LRRC2: variants seen among roughly 807,000 people sequenced by gnomAD.
The protein encoded by LRRC2 is leucine rich repeat containing 2.
LRRC2 carries 27 observed loss-of-function variants against 40.2 expected under a neutral mutation model. That is an observed-to-expected ratio of 0.67 (90% CI 0.49 to 0.93). The LOEUF is 0.93. Among genes scored for constraint, LRRC2 ranks in the 40% least tolerant of loss-of-function variants. The pLI is 0.00. For synonymous variants in LRRC2, 147 were observed against 158.9 expected, an observed-to-expected ratio of 0.92 and a Z score of 0.56; for missense variants, 402 against 439.6, an observed-to-expected ratio of 0.91 and a Z score of 0.76.
chr3:46,546,775 A>G (rs1324836753), intron 2 of LRRC2, among the ~76,000 whole-genome samples: 3 of 140,458 alleles, frequency 2.1e-5, no homozygotes, highest in Non-Finnish European at 4.5e-5. Flanking sequence ...CTGGAGTGCA[A>G]TGGCACAGTC....
In LRRC2 at chr3:46,525,782, T is replaced by C. The variant is rs116614338; in HGVS notation, c.929+1644A>G. ...CCAGAAAAGATACATTATACCTTTT[T>C]CAAATATTCAAGACTTCTTTATTAT... On this transcript the variant is annotated intron_variant, in intron 7 of 8. Coordinates refer to ENST00000395905, the MANE Select transcript of LRRC2 (RefSeq NM_024512.5). Among the ~76,000 whole-genome samples the C allele has an allele frequency of 4.0e-3, 602 of 152,332 alleles. 5 individuals carry two copies. Among genetic ancestry groups the C allele is most frequent in the African/African-American group, 0.014 (565 of 41,586 alleles).
intron 2 of LRRC2, among the ~76,000 whole-genome samples, chr3:46,550,574 G>C (rs1704623109): frequency 6.6e-6 from 1 of 151,944 alleles, no homozygotes; most frequent in Non-Finnish European, 1.5e-5. Flanking sequence ...TGTATTTTTA[G>C]CAGAGACGGG....
chr3:46,553,829 A>G (rs1704721365), intron 1 of LRRC2, among the ~76,000 whole-genome samples: 1 of 152,162 alleles, frequency 6.6e-6, no homozygotes, highest in Non-Finnish European at 1.5e-5. Flanking sequence ...CTCCCTATAA[A>G]TGGCTTGCCA....
At chr3:46,541,830 G>T (rs764653021) in intron 3 of LRRC2, among the ~76,000 whole-genome samples, 1 of 152,132 alleles carries the variant, frequency 6.6e-6, no homozygotes, top group Non-Finnish European at 1.5e-5. Context: ...ATTCACTGGA[G>T]GAGGTTCAAC....
chr3:46,545,558 G>A (rs6783443), intron 2 of LRRC2, among the ~76,000 whole-genome samples: 12,273 of 152,210 alleles, frequency 0.081, 572 homozygotes, highest in South Asian at 0.17. Flanking sequence ...AAAGTGCAGG[G>A]CCACAGGGAT....
At chr3:46,562,709 C>T (rs1704971436) in intron 1 of LRRC2, among the ~76,000 whole-genome samples, 1 of 150,970 alleles carries the variant, frequency 6.6e-6, no homozygotes, top group Non-Finnish European at 1.5e-5. Context: ...CCATCATAAT[C>T]TAGAAGATCT....
intron 7 of LRRC2, among the ~76,000 whole-genome samples, chr3:46,522,432 C>T (rs1161333326): frequency 6.7e-6 from 1 of 149,642 alleles, no homozygotes; most frequent in Non-Finnish European, 1.5e-5. Context: ...AACGATAGGA[C>T]AGGAACAGAG....
intron 3 of LRRC2, among the ~76,000 whole-genome samples, chr3:46,540,182 T>C (rs1226075190): frequency 1.3e-5 from 2 of 152,216 alleles, no homozygotes; most frequent in East Asian, 3.8e-4. Context: ...GCTGTTAACT[T>C]GCAAAAGTGC....
At chr3:46,551,704 G>T in intron 1 of LRRC2, 94 bp from the exon 2 acceptor site, 1 of 867,506 alleles carries the variant, frequency 1.2e-6, no homozygotes, top group Non-Finnish European at 1.6e-6. Context: ...GAATCACTTG[G>T]CTTAAGGAAT....
chr3:46,535,397 T>G (rs983452659), intron 4 of LRRC2, among the ~76,000 whole-genome samples: 1 of 152,222 alleles, frequency 6.6e-6, no homozygotes, highest in Non-Finnish European at 1.5e-5. Context: ...TGATATAGAC[T>G]GAAAATTATA....
intron 2 of LRRC2, chr3:46,551,265 C>G (rs1704641011): frequency 2.1e-6 from 1 of 472,228 alleles, no homozygotes; most frequent in Admixed American, 4.1e-5. Context: ...GTGGGTAGGT[C>G]CTTATAACCA....
intron 8 of LRRC2, among the ~76,000 whole-genome samples, chr3:46,521,090 G>T (rs1703956441): frequency 6.6e-6 from 1 of 152,124 alleles, no homozygotes; most frequent in African/African-American, 2.4e-5. Flanking sequence ...GCCATCCTGT[G>T]CTTTCCCTTT....
At chr3:46,546,837 G>A (rs906379970) in intron 2 of LRRC2, among the ~76,000 whole-genome samples, 1 of 149,546 alleles carries the variant, frequency 6.7e-6, no homozygotes, top group East Asian at 2.0e-4. Flanking sequence ...TCCTGCCTCA[G>A]CCTCCCCAGT....
rs941316626 is a variant in LRRC2 at position 46,527,564 on chromosome 3, C to T, written c.791G>A (p.Ser264Asn). ...CAACTTGTTTTTATACAAGAGAAAG[C>T]TCTGCAGCTCCTCTAGCCTAAGAAG... Reference protein sequence around the residue: ...QDIDRLEELQSFLLYKNKLTY... With the variant: ...QDIDRLEELQNFLLYKNKLTY... Residue 264 changes from serine to asparagine, a missense_variant, in exon 7 of 9, where the codon AGC (serine) becomes AAC (asparagine). Physicochemically the swap from Ser to Asn is conservative, Grantham distance 46. Coordinates refer to ENST00000395905, the MANE Select transcript of LRRC2 (RefSeq NM_024512.5). The T allele has an allele frequency of 6.8e-6, 11 of 1,613,886 alleles. No individual in the cohort carries two copies. The East Asian group carries it at 8.9e-5, about 13-fold the overall frequency.
At chr3:46,543,618 T>TTAATTA (rs1553613276) in intron 3 of LRRC2, among the ~76,000 whole-genome samples, 1 of 105,104 alleles carries the variant, frequency 9.5e-6, no homozygotes, top group African/African-American at 3.0e-5. Context: ...TCCATCTCAA[T>TTAATTA]TAATAATAAT....
intron 1 of LRRC2, among the ~76,000 whole-genome samples, chr3:46,557,100 C>T (rs536846244): frequency 6.6e-6 from 1 of 152,290 alleles, no homozygotes; most frequent in African/African-American, 2.4e-5. Flanking sequence ...GTGACTTGCA[C>T]GTATATGCCA....
intron 6 of LRRC2, among the ~76,000 whole-genome samples, chr3:46,528,625 T>C (rs1309213021): frequency 6.6e-6 from 1 of 152,204 alleles, no homozygotes; most frequent in East Asian, 1.9e-4. Flanking sequence ...TTCCAAAACT[T>C]TGGATTATCA....
At chr3:46,551,635 T>G (rs749596021) in intron 1 of LRRC2, 25 bp from the exon 2 acceptor site, 2 of 1,551,036 alleles carry the variant, frequency 1.3e-6, no homozygotes, top group Non-Finnish European at 1.7e-6. Flanking sequence ...TATAGATATG[T>G]CAGCTTGATA....
chr3:46,518,848 G>T lies in LRRC2; in HGVS notation c.*166C>A. ...TTCAATTCTCCAGTCCATGGAGGGA[G>T]ATACTCATGTATTTGACATTTGAAA... is the stretch of plus-strand genomic sequence containing the variant. On this transcript the variant is annotated 3_prime_UTR_variant, in exon 9 of 9. Transcript: ENST00000395905. 1.7e-6 allele frequency: 1 copy of T among 583,492 alleles called. No homozygotes were observed. The highest frequency in any genetic ancestry group is 2.5e-5 in the South Asian group (1 of 39,856). The allele number at this position is 583,492 out of a possible 1,614,324, so 36.1% of individuals were successfully genotyped here.
Sources: gnomAD v4.1 joint callset for allele counts (sites outside exome capture counted in the v4.1 genomes callset) on GRCh38, gnomAD v4.1.1 for gene constraint, MANE v1.5 for transcripts, NCBI Gene and HGNC (gene_info 2026-07-23, HGNC 2026-07-21) for gene names.